RIMS1: variants seen among roughly 807,000 people sequenced by gnomAD.
RIMS1 encodes the protein regulating synaptic membrane exocytosis protein 1.
A neutral mutation model predicts 214.1 loss-of-function variants in RIMS1; 83 were observed. That is an observed-to-expected ratio of 0.39 (90% CI 0.32 to 0.47). The LOEUF (loss-of-function observed/expected upper bound fraction) is 0.47. Ranked by LOEUF, RIMS1 falls within the 20% of genes least tolerant of loss-of-function variation. RIMS1 has a pLI of 0.99. For missense variants in RIMS1, 2,050 were observed against 2,161.8 expected, an observed-to-expected ratio of 0.95 and a Z score of 1.03; for synonymous variants, 793 against 786.8, an observed-to-expected ratio of 1.01 and a Z score of -0.13.
chr6:71,944,597 TAGTG>T (rs919399708), intron 1 of RIMS1, among the ~76,000 whole-genome samples: 2 of 152,034 alleles, frequency 1.3e-5, no homozygotes, highest in Non-Finnish European at 2.9e-5. Flanking sequence ...GGCAGAAAAG[TAGTG>T]AGACCATTGA....
chr6:72,365,945 T>C (rs1173115406), intron 29 of RIMS1: 1 of 152,232 alleles, frequency 6.6e-6, no homozygotes, highest in Non-Finnish European at 1.5e-5. Context: ...TTGTTTTCAC[T>C]TGTGGTGGTA....
chr6:71,905,176 C>CTT (rs750567804), intron 1 of RIMS1, among the ~76,000 whole-genome samples: 1 of 146,384 alleles, frequency 6.8e-6, no homozygotes, highest in Non-Finnish European at 1.5e-5. Context: ...ACTCTGAGGA[C>CTT]TTTTTTTTTT....
intron 29 of RIMS1, among the ~76,000 whole-genome samples, chr6:72,386,530 G>A (rs1455073711): frequency 2.6e-5 from 4 of 151,972 alleles, no homozygotes; most frequent in Middle Eastern, 3.2e-3. Flanking sequence ...ACAGCCTCCC[G>A]TCAGCAGGAC....
rs374256817 is a variant in RIMS1 at position 72,187,875 on chromosome 6, G to A, written c.1678+4726G>A. ...ACAGGATAGATGTATATATAAAGGG[G>A]AGTTTATTAAGGAGTATTGACTCAC... On this transcript the variant is annotated intron_variant, in intron 6 of 33. Transcript: ENST00000521978. Among the ~76,000 whole-genome samples, 337 of 152,232 alleles carry A rather than the reference G, an allele frequency of 2.2e-3. 1 individual carries two copies. Among genetic ancestry groups the A allele is most frequent in the Middle Eastern group, 0.02 (6 of 294 alleles).
chr6:72,357,980 C>T (rs1425537955), intron 29 of RIMS1, among the ~76,000 whole-genome samples: 1 of 152,164 alleles, frequency 6.6e-6, no homozygotes, highest in East Asian at 1.9e-4. Flanking sequence ...CACTTTTATG[C>T]AACTATAACT....
intron 2 of RIMS1, among the ~76,000 whole-genome samples, chr6:71,998,252 C>T (rs931671087): frequency 9.2e-5 from 14 of 152,092 alleles, no homozygotes; most frequent in Admixed American, 3.3e-4. Context: ...CAGTGGTCGA[C>T]TCACTTATTT....
intron 2 of RIMS1, among the ~76,000 whole-genome samples, chr6:72,095,761 T>C (rs1190258497): frequency 6.6e-6 from 1 of 152,238 alleles, no homozygotes; most frequent in Non-Finnish European, 1.5e-5. Context: ...GGAGTATCAG[T>C]TCCTCACAGT....
chr6:71,953,851 G>A (rs762385325), intron 1 of RIMS1, among the ~76,000 whole-genome samples: 9 of 152,148 alleles, frequency 5.9e-5, no homozygotes, highest in Non-Finnish European at 1.0e-4. Context: ...AAGGATGCGA[G>A]AATTACAGCT....
intron 6 of RIMS1, among the ~76,000 whole-genome samples, chr6:72,209,696 T>C (rs1435751673): frequency 6.6e-6 from 1 of 152,106 alleles, no homozygotes; most frequent in African/African-American, 2.4e-5. Context: ...GGTTAGGAGA[T>C]TGAGACCATC....
At chr6:72,355,172 G>A (rs941978670) in intron 29 of RIMS1, among the ~76,000 whole-genome samples, 8 of 152,072 alleles carry the variant, frequency 5.3e-5, no homozygotes, top group Non-Finnish European at 7.4e-5. Flanking sequence ...ATGAAAATAC[G>A]GGTTAAAGGG....
chr6:72,149,153 T>C (rs2043166765), intron 4 of RIMS1, among the ~76,000 whole-genome samples: 1 of 152,196 alleles, frequency 6.6e-6, no homozygotes, highest in East Asian at 1.9e-4. Context: ...AAAAAAACTT[T>C]AATTGCTGCA....
chr6:72,073,053 G>C (rs1562251802), intron 2 of RIMS1, among the ~76,000 whole-genome samples: 1 of 152,072 alleles, frequency 6.6e-6, no homozygotes, highest in Non-Finnish European at 1.5e-5. Context: ...ATACCTCTTG[G>C]GGTTTTCAGA....
intron 2 of RIMS1, among the ~76,000 whole-genome samples, chr6:71,996,551 C>T (rs2151674490): frequency 6.6e-6 from 1 of 152,284 alleles, no homozygotes; most frequent in East Asian, 1.9e-4. Flanking sequence ...TTATTCCTTT[C>T]TCTTTGAACG....
chr6:72,195,022 A>G (rs890337228), intron 6 of RIMS1, among the ~76,000 whole-genome samples: 2 of 102,908 alleles, frequency 1.9e-5, no homozygotes, highest in East Asian at 2.0e-4. Flanking sequence ...AAGAAGGTCT[A>G]CTGAAGATTC....
intron 1 of RIMS1, among the ~76,000 whole-genome samples, chr6:71,948,727 T>A (rs117510966): frequency 3.0e-4 from 46 of 152,184 alleles, no homozygotes; most frequent in Non-Finnish European, 5.6e-4. Flanking sequence ...GAGAGGATAA[T>A]AGGTTGGGCA....
At chr6:71,948,533 A>G (rs1221352348) in intron 1 of RIMS1, among the ~76,000 whole-genome samples, 2 of 152,216 alleles carry the variant, frequency 1.3e-5, no homozygotes, top group African/African-American at 4.8e-5. Flanking sequence ...GGCACATGCT[A>G]CATGGCTTTC....
At chr6:71,939,012 C>G (rs1785267106) in intron 1 of RIMS1, among the ~76,000 whole-genome samples, 1 of 152,304 alleles carries the variant, frequency 6.6e-6, no homozygotes, top group African/African-American at 2.4e-5. Flanking sequence ...AAAGAAGCCA[C>G]CCAGCAGCCT....
At chr6:71,962,369 C>T (rs554513588) in intron 1 of RIMS1, among the ~76,000 whole-genome samples, 1 of 152,242 alleles carries the variant, frequency 6.6e-6, no homozygotes, top group South Asian at 2.1e-4. Context: ...TTTCTCATCA[C>T]TCACTGTTAA....
chr6:72,388,603 G>T (rs1365741526), intron 29 of RIMS1, among the ~76,000 whole-genome samples: 1 of 152,186 alleles, frequency 6.6e-6, no homozygotes, highest in Non-Finnish European at 1.5e-5. Context: ...TAGCTGTACG[G>T]GTATGGCACT....
Sources: gnomAD v4.1 joint callset for allele counts (sites outside exome capture counted in the v4.1 genomes callset) on GRCh38, gnomAD v4.1.1 for gene constraint, MANE v1.5 for transcripts, NCBI Gene and HGNC (gene_info 2026-07-23, HGNC 2026-07-21) for gene names.